The following NCL variants were observed in gnomAD, a reference collection of about 807,000 sequenced individuals.
NCL encodes nucleolin multifunctional protein.
In NCL, 4 loss-of-function variants were observed where a neutral mutation model predicts 77.7. That is an observed-to-expected ratio of 0.05 (90% CI 0.03 to 0.12). NCL has a LOEUF of 0.12. NCL is among the 10% of genes least tolerant of loss of function. NCL has a pLI of 1.00. For synonymous variants in NCL, 344 were observed against 297.8 expected (o/e 1.16, Z -1.60); for missense variants, 763 against 860.9 (o/e 0.89, Z 1.42).
chr2:231,456,238 G>A, intron 11 of NCL, 102 bp from the exon 12 acceptor site: 2 of 1,472,572 alleles, frequency 1.4e-6, no homozygotes, highest in Non-Finnish European at 1.8e-6. Flanking sequence ...ACTTGTTATA[G>A]TGAAAAAGCA....
At chr2:231,455,648 C>G (rs2046879289) in intron 12 of NCL, 24 bp from the exon 13 acceptor site, 2 of 1,612,110 alleles carry the variant, frequency 1.2e-6, no homozygotes, top group Non-Finnish European at 1.7e-6. Flanking sequence ...TGAAATTGCC[C>G]ATTATAAAAA....
Position 231,461,697 on chromosome 2 carries a change from GTCA to G in NCL, c.453_455del (p.Asp152del). 5 of 1,613,588 alleles carry G rather than the reference GTCA, an allele frequency of 3.1e-6. No individual in the cohort carries two copies. Among genetic ancestry groups the G allele is most frequent in the Non-Finnish European group, 4.2e-6 (5 of 1,179,566 alleles). ...CGTCATCCTCCTCATCCTCCTCACT[GTCA>G]TCATCCTCCTCTTCATCACTGTCTT... On this transcript the variant is annotated inframe_deletion, in exon 3 of 14. Transcript: ENST00000322723.
intron 1 of NCL, chr2:231,463,536 T>C (rs1212797141): frequency 1.5e-5 from 8 of 531,968 alleles, no homozygotes; most frequent in South Asian, 4.7e-5. Context: ...ACAGAAAACC[T>C]GCCCTAAGGT....
chr2:231,456,940 T>C (rs1333089828), intron 10 of NCL, 61 bp downstream of exon 10: 1 of 1,587,770 alleles, frequency 6.3e-7, no homozygotes, highest in African/African-American at 1.4e-5. Context: ...TGACCTTACG[T>C]TCCTTTAGAC....
rs2046869493 is a variant in NCL, at chr2:231,454,927, T to C, written c.*264A>G. 2.9e-6 allele frequency: 1 copy of C among 346,718 alleles called. No homozygotes were observed. The highest frequency in any genetic ancestry group is 2.1e-5 in the African/African-American group (1 of 47,926). The allele number at this position is 346,718 out of a possible 1,614,324, so 21.5% of individuals were successfully genotyped here. On this transcript the variant is annotated 3_prime_UTR_variant, in exon 14 of 14. Transcript: ENST00000322723. ...CTATTTGTAGGAAAAAATGGTTTTG[T>C]ACATGGGATGAAACAATATAAATTC...
intron 8 of NCL, 110 bp downstream of exon 8, chr2:231,458,156 A>T: frequency 7.0e-7 from 1 of 1,423,158 alleles, no homozygotes; most frequent in Non-Finnish European, 9.5e-7. Context: ...CTTACAGGTT[A>T]AACTGTCCAA....
At chr2:231,456,162 T>C in intron 11 of NCL, 26 bp from the exon 12 acceptor site, 1 of 1,613,356 alleles carries the variant, frequency 6.2e-7, no homozygotes, top group Non-Finnish European at 8.5e-7. Context: ...AAATGTGACT[T>C]TATGTGAAGT....
Position 231,464,377 on chromosome 2 carries a change from A to T in NCL, c.-24T>A, listed in dbSNP as rs759940907. On this transcript the variant is annotated 5_prime_UTR_variant, in exon 1 of 14. Transcript: ENST00000322723. ...ATGATGGCGGCGGAGTGTGAAGCGGACAAGTGGCGCAGATGAGTCCAGAAG... is the reference window on the plus strand; with the variant it reads ...ATGATGGCGGCGGAGTGTGAAGCGGTCAAGTGGCGCAGATGAGTCCAGAAG... 6.3e-7 allele frequency: 1 copy of T among 1,599,850 alleles called. No individual in the cohort carries two copies. The highest frequency in any genetic ancestry group is 8.5e-7 in the Non-Finnish European group (1 of 1,172,992).
At chr2:231,462,113 T>C in intron 2 of NCL, 96 bp from the exon 3 acceptor site, 1 of 1,474,246 alleles carries the variant, frequency 6.8e-7, no homozygotes, top group Non-Finnish European at 9.4e-7. Context: ...GCAATGCCTC[T>C]GGTTCAAGAC....
chr2:231,461,564 C>T lies in NCL; in HGVS notation c.589G>A (p.Asp197Asn). The change falls in exon 3 of 14, where the codon GAT becomes AAT. Residue 197 changes from aspartate (D) to asparagine (N), a missense_variant. By Grantham distance (23) the Asp-to-Asn change is conservative (BLOSUM62 1). Coordinates refer to ENST00000322723, the MANE Select transcript of NCL (RefSeq NM_005381.3). ...CCATCTTCCTCATCGTCATCGTCAT[C>T]CTCATCATCTTCGTCATCCTCATCG... ...EDDEDDEDDE[D>N]DDDDEEDDSE... The T allele has an allele frequency of 1.9e-6, 3 of 1,613,692 alleles. No individual in the cohort carries two copies. Among genetic ancestry groups the T allele is most frequent in the African/African-American group, 1.3e-5 (1 of 75,036 alleles).
At position 231,458,999 on chromosome 2, in the gene NCL, A is replaced by G. The variant is rs2046920882; in HGVS notation, c.1165+2T>C. On this transcript the variant is annotated splice_donor_variant, in intron 7 of 13. Coordinates refer to ENST00000322723, the MANE Select transcript of NCL (RefSeq NM_005381.3). LOFTEE classifies it high-confidence loss of function. ...TGCATAATCTCATAAAGCCTTACATACCTTTCTTACTGTCTTTTCCTTTTG... is the reference window on the plus strand; with the variant it reads ...TGCATAATCTCATAAAGCCTTACATGCCTTTCTTACTGTCTTTTCCTTTTG... 2 of 1,581,690 alleles carry G rather than the reference A, an allele frequency of 1.3e-6. No homozygotes were observed. The highest frequency in any genetic ancestry group is 1.7e-6 in the Non-Finnish European group (2 of 1,167,654).
At position 231,460,727 on chromosome 2, in the gene NCL, T is replaced by G. The variant is rs770245990; in HGVS notation, c.753A>C (p.Glu251Asp). 2.5e-6 allele frequency: 4 copies of G among 1,611,650 alleles called. No individual in the cohort carries two copies. The highest frequency in any genetic ancestry group is 2.2e-5 in the East Asian group (1 of 44,872). The change falls in exon 4 of 14, where the codon GAA (glutamate) becomes GAC (aspartate). Residue 251 changes from glutamate (E) to aspartate (D), a missense_variant. This residue lies in a region of NCL where 590 missense variants were observed against 570.5 expected (regional missense o/e 1.03). Transcript: ENST00000322723. The part of the protein sequence containing the change: ...DDEDEDDDDD[E>D]DDEDDDDEDD... ...CTTCATCATCATCATCTTCATCATC[T>G]TCGTCGTCGTCGTCATCCTCGTCCT...
intron 5 of NCL, 45 bp from the exon 6 acceptor site, chr2:231,460,338 A>AAGTT (rs1397912440): frequency 6.2e-7 from 1 of 1,612,920 alleles, no homozygotes; most frequent in Admixed American, 1.7e-5. Flanking sequence ...GTGTGGTAAA[A>AAGTT]AGTTAGTTTC....
At chr2:231,463,960 T>G in intron 1 of NCL, 1 of 331,396 alleles carries the variant, frequency 3.0e-6, no homozygotes, top group Non-Finnish European at 5.0e-6. Context: ...CCTCTGGAGA[T>G]TCCAGGACCC....
intron 7 of NCL, 157 bp downstream of exon 7, chr2:231,458,844 A>G (rs1222035673): frequency 9.8e-6 from 8 of 818,068 alleles, no homozygotes; most frequent in Non-Finnish European, 1.2e-5. Context: ...TACTCTTGTA[A>G]ACACTGTAGC....
rs1189865535 is a variant in NCL, at chr2:231,454,861, CA to C, written c.*329del. On this transcript the variant is annotated 3_prime_UTR_variant, in exon 14 of 14. Transcript: ENST00000322723. ...CCCACGAACGCAAAAAAAAAAAAAA[CA>C]AAAACAAAACAAAAAAAAGAAACAA... is the stretch of plus-strand genomic sequence containing the variant. The C allele has an allele frequency of 1.3e-5, 2 of 158,536 alleles. No homozygotes were observed. The highest frequency in any genetic ancestry group is 1.7e-4 in the East Asian group (1 of 6,030). 9.8% of individuals were successfully genotyped at this position (158,536 alleles called of 1,614,324 possible). A position where few individuals can be genotyped will look rare whatever the true frequency, so the allele number is the denominator to read the frequency against.
At chr2:231,458,201 T>G in intron 8 of NCL, 65 bp downstream of exon 8, 1 of 1,569,552 alleles carries the variant, frequency 6.4e-7, no homozygotes, top group East Asian at 2.2e-5. Context: ...CCAATATTTC[T>G]TTTATAAAGC....
rs2046981154 is a variant in NCL, at chr2:231,464,409, A to C, written c.-56T>G. The C allele has an allele frequency of 6.3e-7, 1 of 1,580,792 alleles. No homozygotes were observed. The highest frequency in any genetic ancestry group is 8.6e-7 in the Non-Finnish European group (1 of 1,161,668). ...GCGCAGATGAGTCCAGAAGAAGCCA[A>C]GCGACGGCGATGGCGGCCGCGGGTG... is the stretch of plus-strand genomic sequence containing the variant. On this transcript the variant is annotated 5_prime_UTR_variant, in exon 1 of 14. Transcript: ENST00000322723.
chr2:231,458,130 G>T, intron 8 of NCL, 136 bp downstream of exon 8: 1 of 1,172,508 alleles, frequency 8.5e-7, no homozygotes, highest in Non-Finnish European at 1.2e-6. Flanking sequence ...GTACAGATGG[G>T]TTACTGAGGC....
Sources: allele counts gnomAD v4.1 joint callset, GRCh38; gene constraint gnomAD v4.1.1; regional missense constraint gnomAD v4.1.1; transcripts MANE v1.5; gene names NCBI Gene and HGNC (gene_info 2026-07-23, HGNC 2026-07-21).